The following MYRIP variants were observed in gnomAD, a reference collection of about 807,000 sequenced individuals.
The protein encoded by MYRIP is myosin VIIA and Rab interacting protein, also known as rab effector MyRIP.
MYRIP carries 49 observed loss-of-function variants against 98.0 expected under a neutral mutation model. The ratio of observed to expected loss-of-function variants is 0.50; its 90% CI spans 0.40 to 0.63. The LOEUF (loss-of-function observed/expected upper bound fraction) is 0.63, where lower values mean the gene tolerates loss of function less well. MYRIP is among the 30% of genes least tolerant of loss of function. The pLI, the probability that MYRIP is intolerant of heterozygous loss-of-function variation, is 0.00. For synonymous variants in MYRIP, 404 were observed against 409.5 expected (o/e 0.99, Z 0.16); for missense variants, 1,004 against 1,058.2 (o/e 0.95, Z 0.71).
chr3:40,255,856 A>G (rs750513843), intron 16 of MYRIP, among the ~76,000 whole-genome samples: 1 of 152,250 alleles, frequency 6.6e-6, no homozygotes, highest in Non-Finnish European at 1.5e-5. Flanking sequence ...TAGATCATTC[A>G]CTGTCTTTCC....
chr3:39,986,013 G>A (rs1460078330), intron 2 of MYRIP, among the ~76,000 whole-genome samples: 2 of 152,190 alleles, frequency 1.3e-5, no homozygotes, highest in Non-Finnish European at 2.9e-5. Flanking sequence ...CCATCAGAGT[G>A]AACAGGCCAC....
intron 2 of MYRIP, among the ~76,000 whole-genome samples, chr3:39,938,534 A>AAC (rs1325689968): frequency 6.6e-6 from 1 of 152,188 alleles, no homozygotes; most frequent in Non-Finnish European, 1.5e-5. Flanking sequence ...ATTAGGGCAG[A>AAC]TATTGCCAAA....
chr3:39,848,718 CTT>C (rs1229656203), intron 1 of MYRIP, among the ~76,000 whole-genome samples: 1 of 152,214 alleles, frequency 6.6e-6, no homozygotes, highest in African/African-American at 2.4e-5. Flanking sequence ...ATGTTATACA[CTT>C]GAGATTCATC....
intron 2 of MYRIP, among the ~76,000 whole-genome samples, chr3:39,932,356 C>G (rs9990302): frequency 1.4e-4 from 21 of 151,222 alleles, no homozygotes; most frequent in African/African-American, 4.6e-4. Flanking sequence ...GTCCTGCACC[C>G]ACAAAATGAG....
chr3:39,837,026 G>A (rs188359956), intron 1 of MYRIP, among the ~76,000 whole-genome samples: 36 of 152,274 alleles, frequency 2.4e-4, no homozygotes, highest in Admixed American at 6.5e-4. Flanking sequence ...AGACCCAGTC[G>A]CTTTCAGCCT....
chr3:39,923,917 C>T (rs2125693435), intron 2 of MYRIP, among the ~76,000 whole-genome samples: 1 of 152,056 alleles, frequency 6.6e-6, no homozygotes, highest in East Asian at 1.9e-4. Flanking sequence ...ATCATTATAC[C>T]AGTAGAGCAT....
At chr3:40,130,562 A>G (rs1949616405) in intron 3 of MYRIP, among the ~76,000 whole-genome samples, 1 of 151,380 alleles carries the variant, frequency 6.6e-6, no homozygotes, top group Admixed American at 6.6e-5. Context: ...TTGTATTTTT[A>G]GTAGAGACGG....
chr3:40,164,828 C>T (rs1308224250), intron 5 of MYRIP, among the ~76,000 whole-genome samples: 4 of 152,010 alleles, frequency 2.6e-5, no homozygotes, highest in African/African-American at 9.7e-5. Flanking sequence ...GTTACAGCTC[C>T]AGGTGCCTAC....
intron 10 of MYRIP, among the ~76,000 whole-genome samples, chr3:40,205,292 CT>C: frequency 6.6e-6 from 1 of 152,256 alleles, no homozygotes; most frequent in South Asian, 2.1e-4. Context: ...CAAAATCTGT[CT>C]TTTGAGCCTT....
intron 2 of MYRIP, among the ~76,000 whole-genome samples, chr3:40,029,254 C>G (rs1435229593): frequency 6.6e-6 from 1 of 152,182 alleles, no homozygotes; most frequent in Admixed American, 6.5e-5. Flanking sequence ...AATATCACCT[C>G]TGTTCTGTCT....
chr3:40,222,030 C>T (rs1442731702), intron 11 of MYRIP, among the ~76,000 whole-genome samples: 3 of 152,050 alleles, frequency 2.0e-5, no homozygotes, highest in Non-Finnish European at 4.4e-5. Flanking sequence ...GGGCTTAACC[C>T]AAGAGGGTTC....
chr3:40,021,296 G>A (rs1161947923), intron 2 of MYRIP, among the ~76,000 whole-genome samples: 1 of 152,202 alleles, frequency 6.6e-6, no homozygotes, highest in African/African-American at 2.4e-5. Context: ...CATCAGAGGG[G>A]TAGCTGGCTT....
intron 1 of MYRIP, among the ~76,000 whole-genome samples, chr3:39,888,989 A>C (rs1943399549): frequency 6.6e-6 from 1 of 152,202 alleles, no homozygotes; most frequent in Non-Finnish European, 1.5e-5. Context: ...ATACCATCTC[A>C]CACCAGTTAT....
At chr3:39,831,695 T>A (rs1401748726) in intron 1 of MYRIP, among the ~76,000 whole-genome samples, 1 of 152,224 alleles carries the variant, frequency 6.6e-6, no homozygotes, top group African/African-American at 2.4e-5. Flanking sequence ...TATACCTATG[T>A]CATTCTACAT....
Position 40,162,722 on chromosome 3 carries a change from C to T in MYRIP, c.470-8C>T. The T allele has an allele frequency of 2.5e-6, 4 of 1,613,360 alleles. No individual in the cohort carries two copies. The highest frequency in any genetic ancestry group is 3.4e-6 in the Non-Finnish European group (4 of 1,179,394). On this transcript the variant is annotated splice_polypyrimidine_tract_variant and splice_region_variant and intron_variant, in intron 4 of 16. Coordinates refer to ENST00000302541, the MANE Select transcript of MYRIP (RefSeq NM_015460.4). ...ATTCATTCTCTTCTCCCACCCCTAC[C>T]CTGCCAGGAGGAAGCCTTTTTGAGT...
rs10577583 is a variant in MYRIP, at chr3:39,895,916, GGTGT to G, written c.-30-4853_-30-4850del. Among the ~76,000 whole-genome samples, 50 of 149,932 alleles carry G rather than the reference GGTGT, an allele frequency of 3.3e-4. No homozygotes were observed. In the South Asian group the frequency reaches 3.8e-3, roughly 11 times the overall value. On this transcript the variant is annotated intron_variant, in intron 1 of 16. Coordinates refer to ENST00000302541, the MANE Select transcript of MYRIP (RefSeq NM_015460.4). ...GAGAAAAACTCGTGTGTGTGTGTGT[GGTGT>G]GTGTGTGTGTGTGTGTGCGCGTGCA...
At chr3:39,879,495 G>T (rs765003746) in intron 1 of MYRIP, among the ~76,000 whole-genome samples, 1 of 151,968 alleles carries the variant, frequency 6.6e-6, no homozygotes, top group South Asian at 2.1e-4. Context: ...AGTGTATTGA[G>T]TTTTCTTTTT....
chr3:39,965,877 TAGCAAAATAATA>T (rs1945427081), intron 2 of MYRIP, among the ~76,000 whole-genome samples: 1 of 152,188 alleles, frequency 6.6e-6, no homozygotes, highest in African/African-American at 2.4e-5. Flanking sequence ...ATTTCAAATT[TAGCAAAATAATA>T]TACATTTCTG....
At chr3:40,121,227 A>C (rs778255248) in intron 3 of MYRIP, among the ~76,000 whole-genome samples, 1 of 152,150 alleles carries the variant, frequency 6.6e-6, no homozygotes, top group Non-Finnish European at 1.5e-5. Context: ...GAAGGGACCA[A>C]GGGTACCCTC....
Sources: allele counts gnomAD v4.1 joint callset (sites outside exome capture counted in the v4.1 genomes callset), GRCh38; gene constraint gnomAD v4.1.1; transcripts MANE v1.5; gene names NCBI Gene and HGNC (gene_info 2026-07-23, HGNC 2026-07-21).